Variants in RAB1A observed in about 807,000 individuals in gnomAD.
RAB1A encodes RAB1A, member RAS oncogene family.
RAB1A carries 2 observed loss-of-function variants against 26.0 expected under a neutral mutation model. The observed-to-expected ratio is 0.08, with a 90% CI of 0.03 to 0.24. The LOEUF (loss-of-function observed/expected upper bound fraction) is 0.24, where lower values mean the gene tolerates loss of function less well. RAB1A is among the 10% of genes least tolerant of loss of function. RAB1A has a pLI of 1.00. For missense variants in RAB1A, 100 were observed against 247.0 expected, an observed-to-expected ratio of 0.40 and a Z score of 3.99; for synonymous variants, 84 against 84.9, an observed-to-expected ratio of 0.99 and a Z score of 0.06.
At chr2:65,094,303 G>A (rs942812937) in intron 3 of RAB1A, among the ~76,000 whole-genome samples, 1 of 152,040 alleles carries the variant, frequency 6.6e-6, no homozygotes, top group African/African-American at 2.4e-5. Context: ...CAAGCAAATC[G>A]GCCAGGCGCC....
chr2:65,105,591 G>A (rs1573075853), intron 1 of RAB1A, among the ~76,000 whole-genome samples: 2 of 147,342 alleles, frequency 1.4e-5, no homozygotes, highest in South Asian at 2.1e-4. Context: ...GGGTTCTCAC[G>A]ATCCTTCTCT....
intron 1 of RAB1A, among the ~76,000 whole-genome samples, chr2:65,121,133 C>G (rs1191549456): frequency 6.7e-6 from 1 of 148,688 alleles, no homozygotes; most frequent in Non-Finnish European, 1.5e-5. Context: ...ACTCAGGAGG[C>G]TGAGACAGGA....
intron 1 of RAB1A, among the ~76,000 whole-genome samples, chr2:65,110,456 T>A (rs113212836): frequency 0.12 from 14,767 of 125,856 alleles, 1,077 homozygotes; most frequent in South Asian, 0.22. Context: ...AAAAAAAAAA[T>A]GGCCAAGCCA....
intron 1 of RAB1A, 123 bp downstream of exon 1, chr2:65,129,770 T>A (rs35925158): frequency 2.7e-6 from 4 of 1,465,322 alleles, no homozygotes; most frequent in Non-Finnish European, 3.7e-6. Flanking sequence ...CAGCCTCTCC[T>A]GACCCATCAC....
chr2:65,088,744 T>A (rs1669097243), intron 5 of RAB1A, 54 bp from the exon 6 acceptor site: 1 of 1,465,316 alleles, frequency 6.8e-7, no homozygotes, highest in Non-Finnish European at 9.3e-7. Flanking sequence ...CACTAATTCT[T>A]AGTGCATTTC....
At chr2:65,106,434 G>A in intron 1 of RAB1A, 2 of 326,810 alleles carry the variant, frequency 6.1e-6, no homozygotes, top group Non-Finnish European at 1.2e-5. Flanking sequence ...AAAGAAGAGA[G>A]GATATAAAAC....
chr2:65,116,560 G>T (rs1291749455), intron 1 of RAB1A, among the ~76,000 whole-genome samples: 2 of 152,164 alleles, frequency 1.3e-5, no homozygotes, highest in Non-Finnish European at 1.5e-5. Flanking sequence ...AGCACATACT[G>T]TCTGGCACAT....
chr2:65,113,959 AAGG>A (rs1418666710), intron 1 of RAB1A, among the ~76,000 whole-genome samples: 1 of 152,164 alleles, frequency 6.6e-6, no homozygotes, highest in African/African-American at 2.4e-5. Context: ...TGTTATTTGA[AAGG>A]AGGAGAAAAG....
intron 1 of RAB1A, among the ~76,000 whole-genome samples, chr2:65,109,903 C>G (rs1417710765): frequency 1.3e-5 from 2 of 152,100 alleles, no homozygotes; most frequent in East Asian, 3.8e-4. Flanking sequence ...TCCACCCTTA[C>G]GTTTGACATA....
At chr2:65,128,859 T>C (rs1670166187) in intron 1 of RAB1A, among the ~76,000 whole-genome samples, 1 of 152,302 alleles carries the variant, frequency 6.6e-6, no homozygotes, top group South Asian at 2.1e-4. Flanking sequence ...TAAAGGGCCA[T>C]TGAGGAGAGC....
intron 1 of RAB1A, chr2:65,114,239 T>A: frequency 2.9e-6 from 1 of 342,014 alleles, no homozygotes; most frequent in African/African-American, 2.1e-5. Flanking sequence ...AGAAAGCTGA[T>A]TGACATTAAC....
intron 1 of RAB1A, among the ~76,000 whole-genome samples, chr2:65,122,154 T>TTAAAAAAA (rs1558588148): frequency 6.0e-5 from 7 of 115,798 alleles, no homozygotes; most frequent in African/African-American, 2.2e-4. Context: ...AGACTCTATC[T>TTAAAAAAA]CAAAAAAAAA....
chr2:65,096,824 C>G (rs1275214566), intron 3 of RAB1A, among the ~76,000 whole-genome samples: 1 of 152,176 alleles, frequency 6.6e-6, no homozygotes, highest in Non-Finnish European at 1.5e-5. Context: ...ATCAAACACC[C>G]ATTTATCTGG....
At chr2:65,110,368 G>A (rs1435670665) in intron 1 of RAB1A, among the ~76,000 whole-genome samples, 1 of 150,790 alleles carries the variant, frequency 6.6e-6, no homozygotes, top group Non-Finnish European at 1.5e-5. Flanking sequence ...TTGAACCCGG[G>A]AGGTGGAGGT....
chr2:65,099,397 A>C (rs1012208367), intron 2 of RAB1A, among the ~76,000 whole-genome samples: 1 of 152,244 alleles, frequency 6.6e-6, no homozygotes, highest in Non-Finnish European at 1.5e-5. Flanking sequence ...TCGTGAAAAG[A>C]TATATGAATG....
chr2:65,114,705 C>T (rs1318702384), intron 1 of RAB1A, among the ~76,000 whole-genome samples: 2 of 151,978 alleles, frequency 1.3e-5, no homozygotes, highest in East Asian at 1.9e-4. Context: ...ATTAGCCGGG[C>T]GCGGTGGCGG....
intron 2 of RAB1A, among the ~76,000 whole-genome samples, chr2:65,103,186 GCATC>G (rs1425543402): frequency 6.7e-6 from 1 of 150,240 alleles, no homozygotes; most frequent in African/African-American, 2.4e-5. Context: ...GCATGATGGC[GCATC>G]CACTTGGGAG....
In RAB1A at chr2:65,090,935, A is replaced by C. The variant is rs1490820337; in HGVS notation, c.288+48T>G. The C allele has an allele frequency of 3.8e-6, 5 of 1,299,674 alleles. No homozygotes were observed. The South Asian group carries it at 5.4e-5, about 14-fold the overall frequency. 80.5% of individuals were successfully genotyped at this position (1,299,674 alleles called of 1,614,324 possible). A position where few individuals can be genotyped will look rare whatever the true frequency, so the allele number is the denominator to read the frequency against. ...AAATGAATCTGACATTAATCAAATA[A>C]TGGCTTCCTACTTGGTCACTGTAAC... On this transcript the variant is annotated intron_variant, in intron 4 of 5. Transcript: ENST00000409784.
At chr2:65,099,457 ACT>A (rs1292924843) in intron 2 of RAB1A, among the ~76,000 whole-genome samples, 1 of 152,222 alleles carries the variant, frequency 6.6e-6, no homozygotes, top group African/African-American at 2.4e-5. Flanking sequence ...CCTAAGAAGT[ACT>A]CTGTCAACAA....
Sources: gnomAD v4.1 joint callset for allele counts (sites outside exome capture counted in the v4.1 genomes callset) on GRCh38, gnomAD v4.1.1 for gene constraint, MANE v1.5 for transcripts, NCBI Gene and HGNC (gene_info 2026-07-23, HGNC 2026-07-21) for gene names.